FER1L5: variants seen among roughly 807,000 people sequenced by gnomAD.
FER1L5 encodes the protein fer-1 like family member 5.
In FER1L5, 187 loss-of-function variants were observed where a neutral mutation model predicts 279.9. That is an observed-to-expected ratio of 0.67 (90% CI 0.59 to 0.75). FER1L5 has a LOEUF of 0.75. Among genes scored for constraint, FER1L5 ranks in the 30% least tolerant of loss-of-function variants. The pLI is 0.00. For synonymous variants in FER1L5, 921 were observed against 989.7 expected, an observed-to-expected ratio of 0.93 and a Z score of 1.30; for missense variants, 2,091 against 2,594.4, an observed-to-expected ratio of 0.81 and a Z score of 4.21.
chr2:96,653,743 T>A, intron 8 of FER1L5, 41 bp downstream of exon 8: 1 of 1,469,936 alleles, frequency 6.8e-7, no homozygotes, highest in Non-Finnish European at 9.3e-7. Context: ...GGGTTTCTTG[T>A]CCCACTTCAA....
intron 19 of FER1L5, among the ~76,000 whole-genome samples, chr2:96,684,057 C>G (rs186103384): frequency 6.6e-6 from 1 of 152,340 alleles, no homozygotes; most frequent in East Asian, 1.9e-4. Flanking sequence ...CTCAGGGAAA[C>G]TGCTTCCCAT....
intron 19 of FER1L5, among the ~76,000 whole-genome samples, chr2:96,680,376 G>A (rs1218280474): frequency 6.6e-6 from 1 of 151,790 alleles, no homozygotes; most frequent in Admixed American, 6.6e-5. Flanking sequence ...TTTTCCCTTT[G>A]AAAATTACCT....
intron 19 of FER1L5, among the ~76,000 whole-genome samples, chr2:96,683,936 C>T (rs1052416420): frequency 4.6e-5 from 7 of 152,224 alleles, no homozygotes; most frequent in African/African-American, 1.7e-4. Flanking sequence ...CCCCTGCCCC[C>T]GTCCCACCCA....
chr2:96,702,346 G>A lies in FER1L5; in HGVS notation c.5200G>A (p.Asp1734Asn), dbSNP rs754279841. 3.8e-5 allele frequency: 61 copies of A among 1,613,014 alleles called. No individual in the cohort carries two copies. The highest frequency in any genetic ancestry group is 5.1e-5 in the Non-Finnish European group (60 of 1,179,652). Reference protein sequence around the residue: ...RCIIWKTANVDLVDDNLSREK... With the variant: ...RCIIWKTANVNLVDDNLSREK... Reference sequence around the variant, plus strand: ...CATCATCTGGAAGACTGCCAATGTGGACCTGGTGGATGACAATTTAAGTAG... The same window carrying A: ...CATCATCTGGAAGACTGCCAATGTGAACCTGGTGGATGACAATTTAAGTAG... The change falls in exon 47 of 53, where the codon GAC (aspartate) becomes AAC (asparagine). Residue 1734 changes from aspartate to asparagine, a missense_variant. By Grantham distance (23) the Asp-to-Asn change is conservative. Coordinates refer to ENST00000624922, the MANE Select transcript of FER1L5 (RefSeq NM_001293083.2). The surrounding 1 kb of genome is among the most constrained non-coding windows in gnomAD (Gnocchi z 4.0).
At chr2:96,668,864 T>C (rs1433624048) in intron 15 of FER1L5, 22 bp from the exon 16 acceptor site, 1 of 1,551,470 alleles carries the variant, frequency 6.4e-7, no homozygotes, top group Non-Finnish European at 8.7e-7. Context: ...GGGCTCAGCC[T>C]GAGGAGTGTG....
At chr2:96,644,679 A>G (rs967286948) in intron 1 of FER1L5, among the ~76,000 whole-genome samples, 3 of 152,130 alleles carry the variant, frequency 2.0e-5, no homozygotes, top group Non-Finnish European at 4.4e-5. Context: ...AATGAATGGA[A>G]TTTCTTTATT....
intron 24 of FER1L5, 51 bp downstream of exon 24, chr2:96,687,998 G>A (rs1055844633): frequency 1.9e-6 from 3 of 1,544,460 alleles, no homozygotes; most frequent in African/African-American, 2.7e-5. Flanking sequence ...GGGGGTGGGG[G>A]TAGGGTGGCC....
intron 31 of FER1L5, among the ~76,000 whole-genome samples, chr2:96,693,019 T>C (rs2077216253): frequency 6.6e-6 from 1 of 151,758 alleles, no homozygotes; most frequent in Non-Finnish European, 1.5e-5. Flanking sequence ...CTACTAAAAA[T>C]ACAAAAATTA....
intron 19 of FER1L5, among the ~76,000 whole-genome samples, chr2:96,678,409 G>A (rs1164073696): frequency 1.3e-5 from 2 of 150,390 alleles, no homozygotes; most frequent in Non-Finnish European, 3.0e-5. Flanking sequence ...GGGATTACAG[G>A]TGTGAGCCAC....
intron 51 of FER1L5, among the ~76,000 whole-genome samples, 151 bp downstream of exon 51, chr2:96,703,783 T>G (rs2077677472): frequency 6.8e-6 from 1 of 147,744 alleles, no homozygotes; most frequent in African/African-American, 2.5e-5. Flanking sequence ...AGACTTGGGG[T>G]GAGGGTTGGA....
chr2:96,688,194 G>GCT (rs1251293188), intron 24 of FER1L5, among the ~76,000 whole-genome samples: 1 of 152,198 alleles, frequency 6.6e-6, no homozygotes, highest in African/African-American at 2.4e-5. Flanking sequence ...TCTTGTTGAT[G>GCT]CTCCATACAC....
chr2:96,659,332 T>G (rs1269287753), intron 9 of FER1L5, among the ~76,000 whole-genome samples: 3 of 76,948 alleles, frequency 3.9e-5, no homozygotes, highest in East Asian at 8.4e-4. Flanking sequence ...CTTCCTTCCT[T>G]CCTTCCTTCC....
chr2:96,690,683 T>C, intron 27 of FER1L5, 94 bp downstream of exon 27: 4 of 1,184,074 alleles, frequency 3.4e-6, no homozygotes, highest in South Asian at 1.4e-5. Context: ...AAGCCCTCCA[T>C]GGTATACGCC....
intron 18 of FER1L5, among the ~76,000 whole-genome samples, chr2:96,670,594 A>G (rs1025702508): frequency 3.3e-5 from 5 of 151,844 alleles, no homozygotes; most frequent in African/African-American, 9.7e-5. Flanking sequence ...CCTGGGCAAC[A>G]TGGTGAAACG....
rs753695757 is a variant in FER1L5 at position 96,702,776 on chromosome 2, C to T, written c.5397+35C>T. The T allele has an allele frequency of 4.4e-6, 7 of 1,609,104 alleles. No homozygotes were observed. Among genetic ancestry groups the T allele is most frequent in the Non-Finnish European group, 5.9e-6 (7 of 1,178,106 alleles). ...CTGGGGCGTGAGGGGCAACAGGCCA[C>T]AACAAACAGACCCAGGCTCCTGGAG... On this transcript the variant is annotated intron_variant, in intron 48 of 52. Transcript: ENST00000624922. This position sits in a 1 kb window ranked among gnomAD's most constrained non-coding sequence, Gnocchi z 4.0.
intron 10 of FER1L5, 140 bp from the exon 11 acceptor site, chr2:96,661,185 C>T: frequency 1.7e-6 from 1 of 602,288 alleles, no homozygotes; most frequent in Non-Finnish European, 2.9e-6. Flanking sequence ...GAGTGACTCC[C>T]CTTTTCCTCT....
intron 13 of FER1L5, among the ~76,000 whole-genome samples, chr2:96,663,032 T>TA (rs2076008017): frequency 6.6e-6 from 1 of 152,248 alleles, no homozygotes; most frequent in African/African-American, 2.4e-5. Context: ...TACCACTGCT[T>TA]ACACATAAAC....
Position 96,693,499 on chromosome 2 carries a change from C to G in FER1L5, c.3293-7C>G. On this transcript the variant is annotated splice_polypyrimidine_tract_variant and splice_region_variant and intron_variant, in intron 31 of 52. Coordinates refer to ENST00000624922, the MANE Select transcript of FER1L5 (RefSeq NM_001293083.2). ...AGACACTGCTACCTTCTCCTCTACC[C>G]CTCCAGGGCCCTTCATTCGGGTGGT... The G allele has an allele frequency of 1.3e-6, 2 of 1,548,654 alleles. No individual in the cohort carries two copies. Among genetic ancestry groups the G allele is most frequent in the Non-Finnish European group, 1.7e-6 (2 of 1,145,404 alleles).
At chr2:96,696,573 C>T (rs1041165559) in intron 37 of FER1L5, among the ~76,000 whole-genome samples, 1 of 151,898 alleles carries the variant, frequency 6.6e-6, no homozygotes, top group Non-Finnish European at 1.5e-5. Flanking sequence ...CAATTACAGG[C>T]GTGAGCCACC....
Sources: gnomAD v4.1 joint callset for allele counts (sites outside exome capture counted in the v4.1 genomes callset) on GRCh38, gnomAD v4.1.1 for gene constraint, Gnocchi (gnomAD v3.1) non-coding constraint, MANE v1.5 for transcripts, NCBI Gene and HGNC (gene_info 2026-07-23, HGNC 2026-07-21) for gene names.